The following ITGAX variants were observed in gnomAD, a reference collection of about 807,000 sequenced individuals.
ITGAX encodes integrin subunit alpha X.
In ITGAX, 99 loss-of-function variants were observed where a neutral mutation model predicts 140.2. That is an observed-to-expected ratio of 0.71 (90% CI 0.60 to 0.83). ITGAX has a LOEUF of 0.83. Ranked by LOEUF, ITGAX falls within the 40% of genes least tolerant of loss-of-function variation. The pLI is 0.00. For missense variants in ITGAX, 1,444 were observed against 1,482.0 expected, an observed-to-expected ratio of 0.97 and a Z score of 0.42; for synonymous variants, 631 against 600.4, an observed-to-expected ratio of 1.05 and a Z score of -0.75.
intron 3 of ITGAX, 79 bp downstream of exon 3, chr16:31,356,807 T>C (rs1235266205): frequency 4.6e-6 from 5 of 1,097,912 alleles, no homozygotes; most frequent in Non-Finnish European, 1.3e-6. Context: ...CTCACCGGAG[T>C]GTCACTTTCA....
intron 7 of ITGAX, 86 bp from the exon 8 acceptor site, chr16:31,360,224 A>C: frequency 1.3e-6 from 2 of 1,519,368 alleles, no homozygotes; most frequent in South Asian, 1.3e-5. Context: ...CTCCCAAAGG[A>C]AAAGGCATCT....
chr16:31,380,407 G>A, intron 27 of ITGAX, 28 bp downstream of exon 27: 1 of 1,612,290 alleles, frequency 6.2e-7, no homozygotes, highest in Non-Finnish European at 8.5e-7. Flanking sequence ...CAGAGCCCCT[G>A]CCCCAGACTC....
Position 31,355,259 on chromosome 16 carries a change from C to G in ITGAX, c.5C>G (p.Thr2Ser), listed in dbSNP as rs762337920. 4.3e-6 allele frequency: 7 copies of G among 1,613,738 alleles called. No individual in the cohort carries two copies. In the African/African-American group the frequency reaches 9.3e-5, roughly 22 times the overall value. Residue 2 changes from threonine to serine, a missense_variant, in exon 1 of 30, where the codon ACC (threonine) becomes AGC (serine). Thr to Ser is a moderately conservative substitution (Grantham distance 58, BLOSUM62 1). Transcript: ENST00000268296. ...TCCACATCTGACCTTCTAGTCATGA[C>G]CAGGACCAGGGCAGCACTCCTCCTG... MTRTRAALLLFT... is the reference protein window; with the variant it reads MSRTRAALLLFT...
At chr16:31,370,156 A>G (rs1446145991) in intron 14 of ITGAX, 1 of 152,158 alleles carries the variant, frequency 6.6e-6, no homozygotes, top group Non-Finnish European at 1.5e-5. Flanking sequence ...GGGTTTCACC[A>G]TGTTGGCCAG....
chr16:31,356,894 C>T lies in ITGAX; in HGVS notation c.248-137C>T, dbSNP rs1032457535. On this transcript the variant is annotated intron_variant, in intron 3 of 29. Coordinates refer to ENST00000268296, the MANE Select transcript of ITGAX (RefSeq NM_000887.5). ...AAGGCCTCCCCGCCCATCGCACTCC[C>T]GCAGCTCTGTCAAGACCCGACAGCT... The T allele has an allele frequency of 5.5e-5, 48 of 866,846 alleles. No individual in the cohort carries two copies. The African/African-American group carries it at 6.3e-4, about 11-fold the overall frequency. The allele number at this position is 866,846 out of a possible 1,614,324, so 53.7% of individuals were successfully genotyped here.
At position 31,362,012 on chromosome 16, in the gene ITGAX, T is replaced by A. The variant is rs74015512; in HGVS notation, c.1087-63T>A. The A allele has an allele frequency of 2.3e-3, 3,646 of 1,613,132 alleles. 54 individuals are homozygous for A. In the African/African-American group the frequency reaches 0.042, roughly 18 times the overall value. On this transcript the variant is annotated intron_variant, in intron 10 of 29. Coordinates refer to ENST00000268296, the MANE Select transcript of ITGAX (RefSeq NM_000887.5). ...GTAAGAGGCGCAGGCGGAAGGCATATCTCTGGTACATGCTGTCTTCCTGCT... is the reference window on the plus strand; with the variant it reads ...GTAAGAGGCGCAGGCGGAAGGCATAACTCTGGTACATGCTGTCTTCCTGCT...
chr16:31,360,221 AG>A (rs1380914903), intron 7 of ITGAX, 88 bp from the exon 8 acceptor site: 14 of 1,519,692 alleles, frequency 9.2e-6, no homozygotes, highest in Non-Finnish European at 1.2e-5. Flanking sequence ...GGCCTCCCAA[AG>A]GAAAAGGCAT....
intron 19 of ITGAX, 51 bp downstream of exon 19, chr16:31,372,721 A>T: frequency 6.6e-7 from 1 of 1,525,348 alleles, no homozygotes; most frequent in South Asian, 1.1e-5. Flanking sequence ...TCCTTCCTGG[A>T]ATCTGGGACT....
In ITGAX at chr16:31,355,987, T is replaced by A. The variant is rs2080755779; in HGVS notation, c.132T>A (p.Tyr44Ter). The change falls in exon 2 of 30, where the codon TAT becomes TAA. Residue 44 changes from tyrosine (Y) to a stop codon, truncating the protein, a stop_gained. Transcript: ENST00000268296. LOFTEE classifies it high-confidence loss of function. The part of the protein sequence containing the change: ...SAGFGDSVVQ[Y>*]ANSWVVVGAP... ...GGTTTGGAGACAGCGTGGTCCAGTA[T>A]GCCAACTCCTGGTGAGGCCCAGGTG... is the stretch of plus-strand genomic sequence containing the variant. 1 of 1,612,014 alleles carries A rather than the reference T, an allele frequency of 6.2e-7. No homozygotes were observed. Among genetic ancestry groups the A allele is most frequent in the African/African-American group, 1.3e-5 (1 of 74,864 alleles).
At chr16:31,377,656 G>A (rs1169268727) in intron 23 of ITGAX, among the ~76,000 whole-genome samples, 2 of 152,198 alleles carry the variant, frequency 1.3e-5, no homozygotes, top group African/African-American at 4.8e-5. Flanking sequence ...GAGCTCGTGT[G>A]CTGGGGTGTG....
chr16:31,376,863 C>A lies in ITGAX; in HGVS notation c.2573C>A (p.Thr858Asn). The A allele has an allele frequency of 6.2e-7, 1 of 1,614,258 alleles. No individual in the cohort carries two copies. The highest frequency in any genetic ancestry group is 1.3e-5 in the African/African-American group (1 of 75,074). Residue 858 changes from threonine (T) to asparagine (N), a missense_variant, in exon 21 of 30, where the codon ACC (threonine) becomes AAC (asparagine). Thr to Asn is a moderately conservative substitution (Grantham distance 65, BLOSUM62 0). Coordinates refer to ENST00000268296, the MANE Select transcript of ITGAX (RefSeq NM_000887.5). ...AGCGCCCCAGTTGGGAGCCAGGGCA[C>A]CTGGAGCACCAGCTGCAGAATCAAC... ...CDSAPVGSQG[T>N]WSTSCRINHL...
chr16:31,365,874 G>C lies in ITGAX; in HGVS notation c.1710+2500G>C, dbSNP rs144099927. Among the ~76,000 whole-genome samples the C allele has an allele frequency of 5.4e-3, 821 of 152,374 alleles. 5 individuals carry two copies. The highest frequency in any genetic ancestry group is 0.018 in the African/African-American group (759 of 41,588). ...GGAATCGGAGGTTGCAGTGAGCTGA[G>C]ATTGCGCCACTGCACTCCAGCCTGG... On this transcript the variant is annotated intron_variant, in intron 14 of 29. Transcript: ENST00000268296.
rs771134132 is a variant in ITGAX at position 31,381,052 on chromosome 16, G to A, written c.3387+45G>A. On this transcript the variant is annotated intron_variant, in intron 29 of 29. Transcript: ENST00000268296. ...CTTGACACCACCAGCATCTGGTCCC[G>A]CTCTTTTTGCAGAGTGAGAAGGAGC... 1.4e-5 allele frequency: 20 copies of A among 1,475,834 alleles called. No individual in the cohort carries two copies. In the East Asian group the frequency reaches 2.3e-4, roughly 17 times the overall value. 91.4% of individuals were successfully genotyped at this position (1,475,834 alleles called of 1,614,324 possible). A position where few individuals can be genotyped will look rare whatever the true frequency, so the allele number is the denominator to read the frequency against.
chr16:31,380,797 C>T (rs2081062229), intron 28 of ITGAX, 100 bp from the exon 29 acceptor site: 1 of 1,284,062 alleles, frequency 7.8e-7, no homozygotes, highest in Non-Finnish European at 1.1e-6. Context: ...TGGAGCAGGG[C>T]CTGGGGAAGG....
At chr16:31,363,490 G>A (rs771204042) in intron 14 of ITGAX, 116 bp downstream of exon 14, 17 of 1,163,506 alleles carry the variant, frequency 1.5e-5, no homozygotes, top group Non-Finnish European at 2.2e-5. Flanking sequence ...CCAGCTCTGA[G>A]CACCTTGTAG....
chr16:31,367,386 T>C (rs1460187614), intron 14 of ITGAX, among the ~76,000 whole-genome samples: 1 of 152,244 alleles, frequency 6.6e-6, no homozygotes, highest in East Asian at 1.9e-4. Context: ...GAGAAGTCAA[T>C]GCCTGGCTTC....
chr16:31,371,062 C>T, intron 14 of ITGAX, 22 bp from the exon 15 acceptor site: 1 of 1,613,520 alleles, frequency 6.2e-7, no homozygotes, highest in Non-Finnish European at 8.5e-7. Flanking sequence ...CATCTTGATT[C>T]ACCCTTCTCT....
At chr16:31,362,888 C>T (rs766814215) in intron 12 of ITGAX, 47 bp from the exon 13 acceptor site, 16 of 1,608,436 alleles carry the variant, frequency 9.9e-6, no homozygotes, top group East Asian at 2.2e-5. Context: ...GCCCACAGGG[C>T]TGCCTCTGGC....
rs901022996 is a variant in ITGAX, at chr16:31,371,321, G to A, written c.1842-13G>A. The A allele has an allele frequency of 3.7e-6, 6 of 1,613,454 alleles. No individual in the cohort carries two copies. The African/African-American group carries it at 8.0e-5, about 22-fold the overall frequency. On this transcript the variant is annotated splice_polypyrimidine_tract_variant and intron_variant, in intron 15 of 29. Coordinates refer to ENST00000268296, the MANE Select transcript of ITGAX (RefSeq NM_000887.5). ...GCCGACGGCCTGTCCTCAGCTCGGT[G>A]CTCTGCCCGCAGGACCAGACCTGTG...
Sources: allele counts gnomAD v4.1 joint callset (sites outside exome capture counted in the v4.1 genomes callset), GRCh38; gene constraint gnomAD v4.1.1; transcripts MANE v1.5; gene names NCBI Gene and HGNC (gene_info 2026-07-23, HGNC 2026-07-21).